Variants in DCC observed in about 807,000 individuals in gnomAD.
The protein encoded by DCC is netrin receptor DCC.
In DCC, 58 loss-of-function variants were observed where a neutral mutation model predicts 172.5. The ratio of observed to expected loss-of-function variants is 0.34; its 90% CI spans 0.27 to 0.42. The LOEUF is 0.42. Among genes scored for constraint, DCC ranks in the 10% least tolerant of loss-of-function variants. The pLI is 1.00. For synonymous variants in DCC, 709 were observed against 644.5 expected (o/e 1.10, Z -1.52); for missense variants, 1,740 against 1,791.0 (o/e 0.97, Z 0.51).
intron 1 of DCC, among the ~76,000 whole-genome samples, chr18:52,612,089 C>T (rs1018775583): frequency 2.0e-5 from 3 of 152,118 alleles, no homozygotes; most frequent in African/African-American, 7.2e-5. Flanking sequence ...GATATGCTTA[C>T]CCAGAATTTC....
chr18:53,474,910 G>T (rs887462979), intron 25 of DCC, among the ~76,000 whole-genome samples: 1 of 152,216 alleles, frequency 6.6e-6, no homozygotes, highest in Non-Finnish European at 1.5e-5. Context: ...CTTGTTGAAT[G>T]GCTTTGGCCA....
intron 2 of DCC, among the ~76,000 whole-genome samples, chr18:52,804,354 A>G (rs2038048332): frequency 6.6e-6 from 1 of 152,210 alleles, no homozygotes; most frequent in Admixed American, 6.5e-5. Flanking sequence ...AAGGTCCATG[A>G]TTTAAAGCCA....
At chr18:52,356,730 C>G (rs375884126) in intron 1 of DCC, among the ~76,000 whole-genome samples, 50 of 152,052 alleles carry the variant, frequency 3.3e-4, no homozygotes, top group African/African-American at 1.2e-3. Context: ...AGAGTAGGGG[C>G]CAGCTATTTA....
intron 2 of DCC, among the ~76,000 whole-genome samples, chr18:52,856,641 A>AAAAAAAAAAAAAAAC (rs2039060435): frequency 7.3e-6 from 1 of 136,478 alleles, no homozygotes; most frequent in Non-Finnish European, 1.5e-5. Context: ...AAAAAAAAAA[A>AAAAAAAAAAAAAAAC]AAGAAAACAA....
chr18:53,140,351 C>G (rs899882121), intron 7 of DCC, among the ~76,000 whole-genome samples: 1 of 152,094 alleles, frequency 6.6e-6, no homozygotes, highest in Non-Finnish European at 1.5e-5. Context: ...TGAATTCTTT[C>G]GCAGAAATTA....
intron 1 of DCC, among the ~76,000 whole-genome samples, chr18:52,526,886 T>C (rs1371332925): frequency 6.6e-6 from 1 of 152,166 alleles, no homozygotes; most frequent in African/African-American, 2.4e-5. Context: ...TCTGTATTAA[T>C]CTCATGGGTA....
chr18:52,923,881 T>C (rs763483462), intron 4 of DCC, 24 bp downstream of exon 4: 52 of 1,586,154 alleles, frequency 3.3e-5, no homozygotes, highest in Non-Finnish European at 4.4e-5. Context: ...AAGACTTTTT[T>C]GTAAAGTGTA....
At chr18:52,399,866 C>T (rs2144371531) in intron 1 of DCC, among the ~76,000 whole-genome samples, 1 of 151,976 alleles carries the variant, frequency 6.6e-6, no homozygotes, top group East Asian at 1.9e-4. Context: ...GTATATCTTG[C>T]TGATAATTGG....
At chr18:52,909,995 A>C (rs1568181481) in intron 3 of DCC, among the ~76,000 whole-genome samples, 1 of 152,150 alleles carries the variant, frequency 6.6e-6, no homozygotes, top group African/African-American at 2.4e-5. Context: ...TTTCAGGCGA[A>C]CTGTATATAT....
intron 24 of DCC, among the ~76,000 whole-genome samples, chr18:53,465,469 A>G (rs1169418309): frequency 6.6e-6 from 1 of 152,128 alleles, no homozygotes; most frequent in Admixed American, 6.5e-5. Context: ...TTTTACCCAT[A>G]TAAGTTGTTT....
At chr18:53,067,693 A>G (rs1335529073) in intron 7 of DCC, among the ~76,000 whole-genome samples, 1 of 152,354 alleles carries the variant, frequency 6.6e-6, no homozygotes, top group East Asian at 1.9e-4. Flanking sequence ...AGTTGTTAAT[A>G]CAGATCCAAA....
chr18:52,362,695 A>T (rs1191872488), intron 1 of DCC, among the ~76,000 whole-genome samples: 3 of 152,192 alleles, frequency 2.0e-5, no homozygotes, highest in Admixed American at 2.0e-4. Flanking sequence ...AATATTAAAT[A>T]TTGAAGAAGA....
chr18:53,217,671 A>G (rs1804121554), intron 12 of DCC, among the ~76,000 whole-genome samples: 1 of 152,120 alleles, frequency 6.6e-6, no homozygotes, highest in African/African-American at 2.4e-5. Flanking sequence ...GGCAAATGTA[A>G]TATTCTATTT....
intron 1 of DCC, among the ~76,000 whole-genome samples, chr18:52,700,308 GCA>G (rs1568050166): frequency 7.4e-6 from 1 of 135,644 alleles, no homozygotes; most frequent in African/African-American, 3.0e-5. Flanking sequence ...ACACACACAT[GCA>G]CACATGCACA....
At chr18:52,537,459 G>A (rs1310647983) in intron 1 of DCC, among the ~76,000 whole-genome samples, 3 of 152,062 alleles carry the variant, frequency 2.0e-5, no homozygotes, top group East Asian at 1.9e-4. Flanking sequence ...TAAACACAGC[G>A]CCTGTTGAGG....
chr18:53,425,484 C>T (rs1334161154), intron 21 of DCC, among the ~76,000 whole-genome samples: 1 of 151,544 alleles, frequency 6.6e-6, no homozygotes, highest in South Asian at 2.1e-4. Flanking sequence ...CCCAGCCTCC[C>T]GAGTAGATGG....
chr18:53,388,243 G>C (rs1908303631), intron 16 of DCC, among the ~76,000 whole-genome samples: 1 of 152,174 alleles, frequency 6.6e-6, no homozygotes, highest in African/African-American at 2.4e-5. Context: ...ACTTTTTCTG[G>C]AAGTGGCAGA....
At chr18:52,687,888 C>T (rs571021515) in intron 1 of DCC, among the ~76,000 whole-genome samples, 2 of 152,154 alleles carry the variant, frequency 1.3e-5, no homozygotes, top group East Asian at 3.9e-4. Context: ...AGATGGGAAA[C>T]AAAAGAATCC....
chr18:53,235,102 A>C (rs2056182095), intron 12 of DCC, among the ~76,000 whole-genome samples: 1 of 152,178 alleles, frequency 6.6e-6, no homozygotes, highest in African/African-American at 2.4e-5. Flanking sequence ...ATTATTTCAA[A>C]TGACTTCATG....
Sources: allele counts gnomAD v4.1 joint callset (sites outside exome capture counted in the v4.1 genomes callset), GRCh38; gene constraint gnomAD v4.1.1; transcripts MANE v1.5; gene names NCBI Gene and HGNC (gene_info 2026-07-23, HGNC 2026-07-21).